GPM6A: variants seen among roughly 807,000 people sequenced by gnomAD.
The protein encoded by GPM6A is neuronal membrane glycoprotein M6-a.
GPM6A carries 7 observed loss-of-function variants against 32.1 expected under a neutral mutation model. The ratio of observed to expected loss-of-function variants is 0.22; its 90% CI spans 0.12 to 0.41. The LOEUF (loss-of-function observed/expected upper bound fraction) is 0.41, where lower values mean the gene tolerates loss of function less well. Among genes scored for constraint, GPM6A ranks in the 10% least tolerant of loss-of-function variants. The pLI, the probability that GPM6A is intolerant of heterozygous loss-of-function variation, is 1.00. For synonymous variants in GPM6A, 130 were observed against 123.4 expected (o/e 1.05, Z -0.35); for missense variants, 235 against 347.2 (o/e 0.68, Z 2.57).
chr4:175,769,599 G>T (rs1047677703), intron 1 of GPM6A, among the ~76,000 whole-genome samples: 3 of 146,762 alleles, frequency 2.0e-5, no homozygotes, highest in African/African-American at 7.6e-5. Flanking sequence ...AGGAACCCAG[G>T]GTTGTATGCC....
chr4:175,768,503 CAG>C (rs891901063), intron 1 of GPM6A, among the ~76,000 whole-genome samples: 3 of 151,324 alleles, frequency 2.0e-5, no homozygotes, highest in African/African-American at 7.3e-5. Flanking sequence ...TTAGAGCAAA[CAG>C]AAAAGAGAAT....
chr4:175,896,191 T>C (rs1055471102), intron 1 of GPM6A, among the ~76,000 whole-genome samples: 5 of 152,176 alleles, frequency 3.3e-5, no homozygotes, highest in African/African-American at 9.7e-5. Context: ...TTCAGGATGA[T>C]GAAGTCTCAG....
intron 1 of GPM6A, among the ~76,000 whole-genome samples, chr4:175,872,029 G>T (rs1736925735): frequency 1.3e-5 from 2 of 151,858 alleles, no homozygotes; most frequent in Non-Finnish European, 2.9e-5. Context: ...TCTCTCTATG[G>T]TTTTTTTCTT....
At chr4:175,876,325 G>T (rs1272093701) in intron 1 of GPM6A, among the ~76,000 whole-genome samples, 1 of 152,126 alleles carries the variant, frequency 6.6e-6, no homozygotes, top group Non-Finnish European at 1.5e-5. Flanking sequence ...GTAATAATAT[G>T]ACTCATGCAA....
At chr4:175,843,550 C>G (rs1276669483) in intron 1 of GPM6A, among the ~76,000 whole-genome samples, 1 of 152,146 alleles carries the variant, frequency 6.6e-6, no homozygotes, top group African/African-American at 2.4e-5. Context: ...GATATGTGAG[C>G]CATAAATCCT....
intron 1 of GPM6A, among the ~76,000 whole-genome samples, chr4:175,730,502 G>T (rs1281497154): frequency 6.8e-6 from 1 of 146,996 alleles, no homozygotes; most frequent in Non-Finnish European, 1.5e-5. Context: ...AGGGAGTCTC[G>T]CTCTGTCGCC....
At chr4:175,905,784 A>G (rs1162384430) in intron 1 of GPM6A, among the ~76,000 whole-genome samples, 1 of 152,274 alleles carries the variant, frequency 6.6e-6, no homozygotes, top group East Asian at 1.9e-4. Flanking sequence ...AAGAATGCTA[A>G]TTTTGGAAAA....
intron 1 of GPM6A, among the ~76,000 whole-genome samples, chr4:175,891,985 G>A (rs897934850): frequency 2.0e-5 from 3 of 152,170 alleles, no homozygotes; most frequent in Admixed American, 6.5e-5. Context: ...GCTTTTGCCC[G>A]TTGTTATCTT....
intron 1 of GPM6A, among the ~76,000 whole-genome samples, chr4:175,894,682 T>G (rs933959571): frequency 6.6e-6 from 1 of 152,144 alleles, no homozygotes; most frequent in African/African-American, 2.4e-5. Context: ...ATATTTTTAA[T>G]AGTAAAACCA....
chr4:175,945,111 CTG>C (rs964153113), intron 1 of GPM6A, among the ~76,000 whole-genome samples: 1 of 151,882 alleles, frequency 6.6e-6, no homozygotes, highest in South Asian at 2.1e-4. Context: ...AGAAAAGACT[CTG>C]TGACGAAGCC....
intron 1 of GPM6A, among the ~76,000 whole-genome samples, chr4:175,911,679 C>G (rs925110565): frequency 6.6e-6 from 1 of 152,128 alleles, no homozygotes; most frequent in Non-Finnish European, 1.5e-5. Context: ...AGGAGATATT[C>G]TGACAGCAGG....
chr4:175,896,956 T>C (rs920311098), intron 1 of GPM6A, among the ~76,000 whole-genome samples: 8 of 152,130 alleles, frequency 5.3e-5, no homozygotes, highest in Non-Finnish European at 1.0e-4. Flanking sequence ...TCACTGAAAA[T>C]GTTTAATTCA....
At chr4:175,939,293 T>C (rs189931497) in intron 1 of GPM6A, among the ~76,000 whole-genome samples, 1 of 152,310 alleles carries the variant, frequency 6.6e-6, no homozygotes, top group African/African-American at 2.4e-5. Context: ...GGCAAGCTCG[T>C]GTAGCAGTCT....
Position 175,931,685 on chromosome 4 carries a change from C to T in GPM6A, c.-23+70624G>A, listed in dbSNP as rs2333328. On this transcript the variant is annotated intron_variant, in intron 1 of 7. Coordinates refer to the GPM6A transcript ENST00000280187. ...GTTAAAAAATATACACACACACACA[C>T]ACACACACACACACACACACACACA... Among the ~76,000 whole-genome samples the T allele has an allele frequency of 6.6e-3, 838 of 126,160 alleles. 11 individuals carry two copies. The highest frequency in any genetic ancestry group is 0.026 in the African/African-American group (781 of 30,232). The allele number at this position is 126,160 out of a possible 152,430, so 82.8% of individuals were successfully genotyped here.
At chr4:175,698,632 A>G (rs1744703069) in intron 2 of GPM6A, among the ~76,000 whole-genome samples, 1 of 152,176 alleles carries the variant, frequency 6.6e-6, no homozygotes, top group Non-Finnish European at 1.5e-5. Flanking sequence ...TGTTTTCATG[A>G]ACTATTTGTT....
At chr4:175,666,989 T>C (rs1742789421) in intron 3 of GPM6A, among the ~76,000 whole-genome samples, 1 of 152,228 alleles carries the variant, frequency 6.6e-6, no homozygotes. Context: ...TGGAGATATT[T>C]CCCTAAACTT....
At chr4:175,920,253 T>C (rs1738622659) in intron 1 of GPM6A, among the ~76,000 whole-genome samples, 1 of 152,208 alleles carries the variant, frequency 6.6e-6, no homozygotes, top group African/African-American at 2.4e-5. Flanking sequence ...ATTTAGGACA[T>C]AATGTTTAAT....
At chr4:175,670,720 A>G (rs1337546660) in intron 3 of GPM6A, among the ~76,000 whole-genome samples, 1 of 152,210 alleles carries the variant, frequency 6.6e-6, no homozygotes, top group Non-Finnish European at 1.5e-5. Flanking sequence ...ATAGCATTAA[A>G]ATATTGTAAT....
chr4:175,733,552 T>A (rs1232590595), intron 1 of GPM6A, among the ~76,000 whole-genome samples: 1 of 152,172 alleles, frequency 6.6e-6, no homozygotes, highest in African/African-American at 2.4e-5. Context: ...TGCCCTTTGT[T>A]GTTGCTGTTA....
Sources: allele counts gnomAD v4.1 joint callset (sites outside exome capture counted in the v4.1 genomes callset), GRCh38; gene constraint gnomAD v4.1.1; transcripts MANE v1.5; gene names NCBI Gene and HGNC (gene_info 2026-07-23, HGNC 2026-07-21).